The following PDE8B variants were observed in gnomAD, a reference collection of about 807,000 sequenced individuals.
The protein encoded by PDE8B is high affinity cAMP-specific and IBMX-insensitive 3',5'-cyclic phosphodiesterase 8B.
PDE8B carries 26 observed loss-of-function variants against 101.3 expected under a neutral mutation model. The ratio of observed to expected loss-of-function variants is 0.26; its 90% CI spans 0.19 to 0.36. The LOEUF (loss-of-function observed/expected upper bound fraction) is 0.36, where lower values mean the gene tolerates loss of function less well. PDE8B is among the 10% of genes least tolerant of loss of function. PDE8B has a pLI of 1.00. For synonymous variants in PDE8B, 424 were observed against 429.3 expected, an observed-to-expected ratio of 0.99 and a Z score of 0.15; for missense variants, 810 against 1,163.1, an observed-to-expected ratio of 0.70 and a Z score of 4.42.
intron 1 of PDE8B, among the ~76,000 whole-genome samples, chr5:77,282,862 G>A (rs1004482417): frequency 1.3e-5 from 2 of 151,738 alleles, no homozygotes; most frequent in African/African-American, 2.4e-5. Flanking sequence ...GATCCCCATC[G>A]TGGAAGCATA....
intron 20 of PDE8B, among the ~76,000 whole-genome samples, 175 bp from the exon 21 acceptor site, chr5:77,425,590 AGT>A (rs1274049153): frequency 6.6e-6 from 1 of 152,142 alleles, no homozygotes; most frequent in East Asian, 1.9e-4. Context: ...GGAAGGTCTG[AGT>A]GTAGTCAGTG....
Position 77,210,761 on chromosome 5 carries a change from G to C in PDE8B, c.-165G>C. 1 of 982,374 alleles carries C rather than the reference G, an allele frequency of 1.0e-6. No homozygotes were observed. Among genetic ancestry groups the C allele is most frequent in the Non-Finnish European group, 1.2e-6 (1 of 829,248 alleles). The allele number at this position is 982,374 out of a possible 1,614,324, so 60.9% of individuals were successfully genotyped here. A position where few individuals can be genotyped will look rare whatever the true frequency, so the allele number is the denominator to read the frequency against. On this transcript the variant is annotated 5_prime_UTR_variant, in exon 1 of 22. Transcript: ENST00000264917. The surrounding 1 kb of genome is among the most constrained non-coding windows in gnomAD (Gnocchi z 4.9). ...TGACGCGCGCGGTCCCCGGAGGCTC[G>C]GCGGGGGGCACCGCGGCCAGCCCGA...
At chr5:77,144,796 A>C in the PDE8B span, 1 of 152,106 alleles carries the variant, frequency 6.6e-6, no homozygotes, top group Non-Finnish European at 1.5e-5. Flanking sequence ...CCTGGCTCTC[A>C]GGTTCTAAGT....
the PDE8B span, chr5:77,139,590 G>A: frequency 6.6e-6 from 1 of 152,138 alleles, no homozygotes; most frequent in Admixed American, 6.5e-5. Flanking sequence ...CCTAGTGGAT[G>A]TCTTTTCTGT....
intron 20 of PDE8B, among the ~76,000 whole-genome samples, chr5:77,423,079 T>A (rs1797034413): frequency 1.3e-5 from 2 of 152,208 alleles, no homozygotes; most frequent in African/African-American, 4.8e-5. Flanking sequence ...TACCCAATGT[T>A]TAGCTACCAC....
At chr5:77,372,592 T>G (rs1298277100) in intron 10 of PDE8B, among the ~76,000 whole-genome samples, 4 of 152,226 alleles carry the variant, frequency 2.6e-5, no homozygotes. Context: ...AGAAGATCTT[T>G]TTTCCCCTAA....
At chr5:77,304,021 T>A (rs1770590809) in intron 1 of PDE8B, among the ~76,000 whole-genome samples, 1 of 152,240 alleles carries the variant, frequency 6.6e-6, no homozygotes, top group Admixed American at 6.5e-5. Context: ...TTCTTGTAAA[T>A]GCCTCCTATA....
chr5:77,248,048 C>G (rs547992843), intron 1 of PDE8B, among the ~76,000 whole-genome samples: 3 of 152,146 alleles, frequency 2.0e-5, no homozygotes, highest in Admixed American at 2.0e-4. Context: ...CTGTTCATCC[C>G]CCATGGGACA....
chr5:77,330,837 T>C (rs978783515), intron 4 of PDE8B, among the ~76,000 whole-genome samples: 4 of 152,214 alleles, frequency 2.6e-5, no homozygotes, highest in Non-Finnish European at 4.4e-5. Flanking sequence ...GACTCAGCAG[T>C]AAGCTCACTA....
At chr5:77,416,086 T>C (rs1439624533) in intron 17 of PDE8B, among the ~76,000 whole-genome samples, 1 of 152,184 alleles carries the variant, frequency 6.6e-6, no homozygotes, top group Admixed American at 6.5e-5. Context: ...AGCTAGCCTG[T>C]CTTCCTTCCC....
chr5:77,356,835 G>T (rs1263530285), intron 10 of PDE8B, among the ~76,000 whole-genome samples: 3 of 152,114 alleles, frequency 2.0e-5, no homozygotes, highest in African/African-American at 4.8e-5. Context: ...GGACAGACCT[G>T]GTCTGGACTT....
intron 1 of PDE8B, among the ~76,000 whole-genome samples, chr5:77,300,631 C>T (rs1769712618): frequency 6.6e-6 from 1 of 152,106 alleles, no homozygotes; most frequent in South Asian, 2.1e-4. Flanking sequence ...ACATAGTGGC[C>T]CCAGAGGGTC....
At chr5:77,209,039 C>T (rs1355875375), upstream of PDE8B, among the ~76,000 whole-genome samples, 1 of 152,198 alleles carries the variant, frequency 6.6e-6, no homozygotes, top group African/African-American at 2.4e-5. Flanking sequence ...TAAAAAGCCT[C>T]CCTCTGCCTG....
At chr5:77,172,117 A>G in the PDE8B span, among the ~76,000 whole-genome samples, 2 of 152,138 alleles carry the variant, frequency 1.3e-5, no homozygotes, top group South Asian at 2.1e-4. Context: ...AGTCGATTGG[A>G]TGGATAGATG....
At chr5:77,379,117 T>C (rs1305698148) in intron 10 of PDE8B, among the ~76,000 whole-genome samples, 1 of 152,224 alleles carries the variant, frequency 6.6e-6, no homozygotes, top group African/African-American at 2.4e-5. Context: ...CTTGCAAATA[T>C]GTGTAGAATG....
chr5:77,341,792 C>T (rs748126235), intron 6 of PDE8B, among the ~76,000 whole-genome samples: 2 of 152,126 alleles, frequency 1.3e-5, no homozygotes, highest in Non-Finnish European at 1.5e-5. Context: ...AGTTTTAAAG[C>T]CCCCTTTTAT....
intron 1 of PDE8B, among the ~76,000 whole-genome samples, chr5:77,288,597 G>A (rs960601800): frequency 6.6e-6 from 1 of 152,136 alleles, no homozygotes; most frequent in African/African-American, 2.4e-5. Flanking sequence ...TATTTAAATA[G>A]GTGGCACAAG....
chr5:77,246,959 T>G (rs1354651665), intron 1 of PDE8B: 2 of 152,224 alleles, frequency 1.3e-5, no homozygotes, highest in Admixed American at 6.5e-5. Context: ...TATTTCATAT[T>G]TATAAAGTAG....
intron 10 of PDE8B, among the ~76,000 whole-genome samples, chr5:77,371,302 G>A (rs984863199): frequency 2.0e-5 from 3 of 152,106 alleles, no homozygotes; most frequent in Non-Finnish European, 4.4e-5. Flanking sequence ...GGTGTCAGAT[G>A]GGATCAAGCT....
Sources: gnomAD v4.1 joint callset for allele counts (sites outside exome capture counted in the v4.1 genomes callset) on GRCh38, gnomAD v4.1.1 for gene constraint, Gnocchi (gnomAD v3.1) non-coding constraint, MANE v1.5 for transcripts, NCBI Gene and HGNC (gene_info 2026-07-23, HGNC 2026-07-21) for gene names.